The following C3orf33 variants were observed in gnomAD, a reference collection of about 807,000 sequenced individuals.
C3orf33 encodes the protein mitochondrial inner membrane subdomain organizer 1.
Under a neutral mutation model 28.7 loss-of-function variants are expected in C3orf33, and 23 were observed. The ratio of observed to expected loss-of-function variants is 0.80; its 90% CI spans 0.58 to 1.13. C3orf33 has a LOEUF of 1.13. Among genes scored for constraint, C3orf33 ranks in the 50% most tolerant of loss-of-function variants. The pLI, the probability that C3orf33 is intolerant of heterozygous loss-of-function variation, is 0.00. For synonymous variants in C3orf33, 119 were observed against 120.5 expected (o/e 0.99, Z 0.08); for missense variants, 327 against 353.4 (o/e 0.93, Z 0.60).
chr3:155,766,618 A>G (rs1750409044), intron 4 of C3orf33, among the ~76,000 whole-genome samples: 1 of 152,230 alleles, frequency 6.6e-6, no homozygotes, highest in Non-Finnish European at 1.5e-5. Flanking sequence ...TAAATATATA[A>G]TGATACTGCC....
chr3:155,766,474 C>T (rs1750404784), intron 4 of C3orf33, among the ~76,000 whole-genome samples: 1 of 152,232 alleles, frequency 6.6e-6, no homozygotes, highest in Non-Finnish European at 1.5e-5. Context: ...ACACTTAGAC[C>T]TATCAACAAC....
intron 2 of C3orf33, among the ~76,000 whole-genome samples, chr3:155,797,981 G>A (rs1370111728): frequency 6.6e-6 from 1 of 151,236 alleles, no homozygotes; most frequent in Non-Finnish European, 1.5e-5. Flanking sequence ...TGAGGCATGA[G>A]AATTGCTTGA....
chr3:155,801,242 T>G (rs1577440118), intron 2 of C3orf33, among the ~76,000 whole-genome samples: 1 of 145,228 alleles, frequency 6.9e-6, no homozygotes, highest in Non-Finnish European at 1.5e-5. Flanking sequence ...ACCCAGGAGG[T>G]GGAAGTTACA....
rs1472106171 is a variant in C3orf33, at chr3:155,793,819, AAAAAAAAACT to A, written c.174+8703_174+8712del. Among the ~76,000 whole-genome samples, 204 of 138,242 alleles carry A rather than the reference AAAAAAAAACT, an allele frequency of 1.5e-3. 1 individual carries two copies. The highest frequency in any genetic ancestry group is 1.1e-3 in the Non-Finnish European group (75 of 65,912). 90.7% of individuals were successfully genotyped at this position (138,242 alleles called of 152,430 possible). ...AGTGAGACTCTGACTCAAAAAAAAA[AAAAAAAAACT>A]AAAAAAACTAAAAAAACTAAAACAG... On this transcript the variant is annotated intron_variant, in intron 2 of 4. Transcript: ENST00000340171.
intron 3 of C3orf33, among the ~76,000 whole-genome samples, chr3:155,774,493 G>T (rs1433303658): frequency 6.6e-6 from 1 of 152,082 alleles, no homozygotes; most frequent in East Asian, 1.9e-4. Context: ...AGGTCTGTGT[G>T]TCTGGGTGCT....
chr3:155,769,138 C>A (rs1450478469), intron 3 of C3orf33, among the ~76,000 whole-genome samples: 1 of 151,994 alleles, frequency 6.6e-6, no homozygotes, highest in East Asian at 1.9e-4. Context: ...CATGGTGAAA[C>A]CCTGTCTCTA....
chr3:155,790,041 G>A (rs1280144711), intron 2 of C3orf33, among the ~76,000 whole-genome samples: 1 of 151,800 alleles, frequency 6.6e-6, no homozygotes, highest in Non-Finnish European at 1.5e-5. Flanking sequence ...GCGCATGCCT[G>A]TAGTCCCAGC....
intron 3 of C3orf33, among the ~76,000 whole-genome samples, chr3:155,772,860 G>A (rs1361267478): frequency 6.6e-6 from 1 of 150,986 alleles, no homozygotes; most frequent in Non-Finnish European, 1.5e-5. Flanking sequence ...AGGGATAGGT[G>A]GCACAGAATT....
chr3:155,796,378 C>T (rs1362837637), intron 2 of C3orf33, among the ~76,000 whole-genome samples: 1 of 151,982 alleles, frequency 6.6e-6, no homozygotes, highest in Non-Finnish European at 1.5e-5. Flanking sequence ...CAACTATATG[C>T]CAATAAGTTG....
intron 2 of C3orf33, among the ~76,000 whole-genome samples, chr3:155,800,610 CAAAAAAAAAAAAAAAA>C (rs58092818): frequency 1.1e-3 from 17 of 15,624 alleles, no homozygotes; most frequent in African/African-American, 1.3e-3. Flanking sequence ...ACCTTATCTC[CAAAAAAAAAAAAAAAA>C]AAAAAAAAAA....
At chr3:155,764,367 G>T (rs1260693724) in intron 4 of C3orf33, among the ~76,000 whole-genome samples, 1 of 152,080 alleles carries the variant, frequency 6.6e-6, no homozygotes, top group South Asian at 2.1e-4. Context: ...GTTAAATTAG[G>T]TTCAGAATTC....
At position 155,804,516 on chromosome 3, in the gene C3orf33, G is replaced by A. The variant is rs570576300; in HGVS notation, c.114+1623C>T. Among the ~76,000 whole-genome samples the A allele has an allele frequency of 2.0e-5, 3 of 152,316 alleles. No homozygotes were observed. In the South Asian group the frequency reaches 6.2e-4, roughly 32 times the overall value. On this transcript the variant is annotated intron_variant, in intron 1 of 4. Coordinates refer to ENST00000340171, the MANE Select transcript of C3orf33 (RefSeq NM_001308229.2). ...GCTTTGGACTTTGTGCTGCTTGGCT[G>A]TAGAGCATTTGCAAAGTTATCTTAC...
chr3:155,772,029 C>A (rs1239965440), intron 3 of C3orf33, among the ~76,000 whole-genome samples: 1 of 151,910 alleles, frequency 6.6e-6, no homozygotes, highest in Non-Finnish European at 1.5e-5. Context: ...CACAGCAAGA[C>A]CCCCTTTCTA....
At chr3:155,769,042 G>GT (rs1465051389) in intron 3 of C3orf33, among the ~76,000 whole-genome samples, 1 of 152,134 alleles carries the variant, frequency 6.6e-6, no homozygotes, top group Non-Finnish European at 1.5e-5. Context: ...GCCAGGTGTG[G>GT]TGGCTCACAC....
chr3:155,795,640 A>C (rs1262197806), intron 2 of C3orf33, among the ~76,000 whole-genome samples: 3 of 152,046 alleles, frequency 2.0e-5, no homozygotes, highest in Non-Finnish European at 4.4e-5. Context: ...TTAAGAAAGA[A>C]ATTTAAAAAT....
chr3:155,794,959 T>A (rs932344227), intron 2 of C3orf33, among the ~76,000 whole-genome samples: 1 of 152,134 alleles, frequency 6.6e-6, no homozygotes, highest in African/African-American at 2.4e-5. Context: ...AATATAATAA[T>A]AGCTGGAGAC....
At chr3:155,800,374 T>C (rs1032697136) in intron 2 of C3orf33, among the ~76,000 whole-genome samples, 2 of 151,680 alleles carry the variant, frequency 1.3e-5, no homozygotes, top group Non-Finnish European at 1.5e-5. Context: ...GAGGCTAAGA[T>C]GGGAGAACTG....
chr3:155,793,827 ACT>A (rs374775750), intron 2 of C3orf33, among the ~76,000 whole-genome samples: 25,871 of 86,976 alleles, frequency 0.3, 6,086 homozygotes, highest in Non-Finnish European at 0.41. Context: ...AAAAAAAAAA[ACT>A]AAAAAAACTA....
rs543195367 is a variant in C3orf33, at chr3:155,777,301, C to T, written c.175-1453G>A. On this transcript the variant is annotated intron_variant, in intron 2 of 4. Transcript: ENST00000340171. The stretch of plus-strand genomic sequence containing the variant: ...TGCACTCCAGCCTGGGCAACAAGAG[C>T]GAAACTCTGTCTAAAAAAAAAATTA... Among the ~76,000 whole-genome samples the T allele has an allele frequency of 3.1e-4, 46 of 149,924 alleles. 1 individual carries two copies. The South Asian group carries it at 7.1e-3, about 23-fold the overall frequency.
Sources: allele counts gnomAD v4.1 joint callset (sites outside exome capture counted in the v4.1 genomes callset), GRCh38; gene constraint gnomAD v4.1.1; transcripts MANE v1.5; gene names NCBI Gene and HGNC (gene_info 2026-07-23, HGNC 2026-07-21).